TMCC1: variants seen among roughly 807,000 people sequenced by gnomAD.
TMCC1 encodes the protein transmembrane and coiled-coil domains protein 1.
In TMCC1, 15 loss-of-function variants were observed where a neutral mutation model predicts 52.4. That is an observed-to-expected ratio of 0.29 (90% CI 0.19 to 0.44). The LOEUF is 0.44. Among genes scored for constraint, TMCC1 ranks in the 20% least tolerant of loss-of-function variants. The pLI is 1.00. For missense variants in TMCC1, 503 were observed against 806.0 expected (o/e 0.62, Z 4.55); for synonymous variants, 279 against 301.9 (o/e 0.92, Z 0.79).
intron 4 of TMCC1, among the ~76,000 whole-genome samples, chr3:129,754,136 C>T (rs2052778508): frequency 6.6e-6 from 1 of 152,138 alleles, no homozygotes. Context: ...TTATCACAGC[C>T]CCCTCCCATT....
intron 4 of TMCC1, among the ~76,000 whole-genome samples, chr3:129,788,178 T>C (rs1244484286): frequency 6.6e-6 from 1 of 152,182 alleles, no homozygotes; most frequent in African/African-American, 2.4e-5. Context: ...AACAGATAGC[T>C]GTGTACTTAA....
chr3:129,735,024 C>T (rs2050837055), intron 4 of TMCC1, among the ~76,000 whole-genome samples: 2 of 151,826 alleles, frequency 1.3e-5, no homozygotes, highest in South Asian at 4.2e-4. Flanking sequence ...GCCTCAGCCT[C>T]CCAAGCAGCT....
intron 4 of TMCC1, among the ~76,000 whole-genome samples, chr3:129,766,206 C>T (rs554192781): frequency 2.6e-5 from 4 of 152,292 alleles, no homozygotes; most frequent in Non-Finnish European, 4.4e-5. Context: ...TAATTTCTCC[C>T]CTAATCCCTG....
intron 4 of TMCC1, 159 bp downstream of exon 4, chr3:129,827,644 C>A: frequency 1.3e-6 from 1 of 748,888 alleles, no homozygotes; most frequent in Non-Finnish European, 2.2e-6. Context: ...CATTCATTAG[C>A]TATAATTATT....
chr3:129,879,454 T>C (rs1267394432), intron 2 of TMCC1, among the ~76,000 whole-genome samples: 7 of 152,042 alleles, frequency 4.6e-5, no homozygotes. Context: ...AAAAAAGGTT[T>C]TCAGAAAGAA....
chr3:129,770,837 G>A (rs570985477), intron 4 of TMCC1, among the ~76,000 whole-genome samples: 11 of 152,152 alleles, frequency 7.2e-5, no homozygotes, highest in African/African-American at 1.7e-4. Context: ...AATGCAATTC[G>A]TACAACTGAA....
intron 4 of TMCC1, among the ~76,000 whole-genome samples, chr3:129,743,628 T>C (rs1327422517): frequency 6.6e-6 from 1 of 152,188 alleles, no homozygotes; most frequent in African/African-American, 2.4e-5. Context: ...AAAATTGTTA[T>C]ATTACAATGA....
At chr3:129,741,083 A>T (rs2107635492) in intron 4 of TMCC1, among the ~76,000 whole-genome samples, 1 of 152,170 alleles carries the variant, frequency 6.6e-6, no homozygotes, top group East Asian at 1.9e-4. Context: ...CCCTTTCCAT[A>T]CCCACCCACC....
chr3:129,827,690 C>T, intron 4 of TMCC1, 113 bp downstream of exon 4: 38 of 1,297,396 alleles, frequency 2.9e-5, no homozygotes, highest in Middle Eastern at 2.0e-4. Context: ...ATTCTTTTAC[C>T]ACAACTTTAA....
intron 4 of TMCC1, among the ~76,000 whole-genome samples, chr3:129,677,115 T>A (rs1576410278): frequency 2.0e-5 from 3 of 147,492 alleles, no homozygotes; most frequent in South Asian, 4.3e-4. Context: ...AAAAAAAAAA[T>A]TTGGCCGGGT....
chr3:129,791,187 A>G (rs957828800), intron 4 of TMCC1, among the ~76,000 whole-genome samples: 6 of 143,188 alleles, frequency 4.2e-5, no homozygotes, highest in African/African-American at 1.1e-4. Flanking sequence ...TCCGCCTCCC[A>G]GGTTCATGCC....
At chr3:129,691,308 GA>G (rs1351939434) in intron 4 of TMCC1, among the ~76,000 whole-genome samples, 1 of 152,198 alleles carries the variant, frequency 6.6e-6, no homozygotes, top group African/African-American at 2.4e-5. Context: ...AGCACTTTAG[GA>G]AGGCTGAGGT....
At chr3:129,781,760 T>C (rs2055552727) in intron 4 of TMCC1, among the ~76,000 whole-genome samples, 3 of 152,110 alleles carry the variant, frequency 2.0e-5, no homozygotes, top group African/African-American at 7.2e-5. Flanking sequence ...GGGAATAACG[T>C]CATTTGGATT....
chr3:129,746,319 C>T (rs1299950551), intron 4 of TMCC1, among the ~76,000 whole-genome samples: 4 of 149,768 alleles, frequency 2.7e-5, no homozygotes, highest in Middle Eastern at 3.2e-3. Context: ...TACAGGCGTG[C>T]GCCACCACGC....
At chr3:129,759,709 ACTTTTT>A (rs2053348262) in intron 4 of TMCC1, among the ~76,000 whole-genome samples, 2 of 98,372 alleles carry the variant, frequency 2.0e-5, no homozygotes, top group African/African-American at 3.9e-5. Context: ...AGCCAGCCAA[ACTTTTT>A]TTTTTTTTTT....
intron 4 of TMCC1, among the ~76,000 whole-genome samples, chr3:129,804,901 G>A (rs939917941): frequency 1.3e-5 from 2 of 152,062 alleles, no homozygotes; most frequent in African/African-American, 2.4e-5. Flanking sequence ...AGAATGCTAC[G>A]GAATGAATTC....
chr3:129,735,591 G>C (rs1228432409), intron 4 of TMCC1, among the ~76,000 whole-genome samples: 1 of 147,956 alleles, frequency 6.8e-6, no homozygotes, highest in Non-Finnish European at 1.5e-5. Context: ...CAAGGCTGCT[G>C]TGAACTATGA....
chr3:129,753,987 A>T (rs1217706047), intron 4 of TMCC1, among the ~76,000 whole-genome samples: 1 of 152,060 alleles, frequency 6.6e-6, no homozygotes, highest in Non-Finnish European at 1.5e-5. Flanking sequence ...CCCACTAACA[A>T]AAAAACTCAA....
rs149343410 is a variant in TMCC1 at position 129,769,168 on chromosome 3, C to T, written c.576+58635G>A. ...TCCAACCCATTGCCAGCGGGCCGCA[C>T]GTGGCCCAGGATGGCTTTGAATGCA... On this transcript the variant is annotated intron_variant, in intron 4 of 6. Transcript: ENST00000393238. 4.4e-4 allele frequency among the ~76,000 whole-genome samples: 67 copies of T among 152,364 alleles called. No individual in the cohort carries two copies. The Middle Eastern group carries it at 0.014, about 31-fold the overall frequency.
Sources: gnomAD v4.1 joint callset for allele counts (sites outside exome capture counted in the v4.1 genomes callset) on GRCh38, gnomAD v4.1.1 for gene constraint, MANE v1.5 for transcripts, NCBI Gene and HGNC (gene_info 2026-07-23, HGNC 2026-07-21) for gene names.